The following CLDN16 variants were observed in gnomAD, a reference collection of about 807,000 sequenced individuals.
CLDN16 encodes claudin 16, also known as claudin-16.
A neutral mutation model predicts 24.6 loss-of-function variants in CLDN16; 13 were observed. The ratio of observed to expected loss-of-function variants is 0.53; its 90% CI spans 0.34 to 0.84. The LOEUF is 0.84. CLDN16 is among the 40% of genes least tolerant of loss of function. The pLI is 0.01. For missense variants in CLDN16, 298 were observed against 292.7 expected, an observed-to-expected ratio of 1.02 and a Z score of -0.13; for synonymous variants, 116 against 106.7, an observed-to-expected ratio of 1.09 and a Z score of -0.54.
chr3:190,293,637 T>C, the CLDN16 span, among the ~76,000 whole-genome samples: 1 of 152,164 alleles, frequency 6.6e-6, no homozygotes, highest in Non-Finnish European at 1.5e-5. Flanking sequence ...TAATATCCAA[T>C]TGAGAAGTGA....
At chr3:190,321,886 C>A, upstream of CLDN16, 1 of 893,748 alleles carries the variant, frequency 1.1e-6, no homozygotes, top group South Asian at 1.5e-5. Context: ...CAACTGAAGA[C>A]TGATAACCAT....
chr3:190,298,409 C>T, the CLDN16 span, among the ~76,000 whole-genome samples: 53 of 145,856 alleles, frequency 3.6e-4, no homozygotes, highest in African/African-American at 1.2e-3. Flanking sequence ...TTGCTAGCTA[C>T]GAGTTAAAAA....
intron 1 of CLDN16, among the ~76,000 whole-genome samples, chr3:190,360,248 AG>A (rs2108640998): frequency 6.6e-6 from 1 of 152,136 alleles, no homozygotes; most frequent in East Asian, 1.9e-4. Context: ...GGAGGAAAAT[AG>A]GAACATTTTC....
chr3:190,296,619 G>A, the CLDN16 span, among the ~76,000 whole-genome samples: 57 of 147,668 alleles, frequency 3.9e-4, no homozygotes, highest in Non-Finnish European at 5.5e-4. Context: ...GTGCCATCTC[G>A]GCTCACTGCA....
chr3:190,350,396 ACTT>A lies in CLDN16; in HGVS notation n.122-20496_122-20494del, dbSNP rs1237344644. On this transcript the variant is annotated intron_variant and non_coding_transcript_variant, in intron 1 of 4. Transcript: ENST00000468220. ...ATTATAGATGTTGGATTGTATTGTTACTTATCATATTAAAGATATTAAAAATGA... is the reference window on the plus strand; with the variant it reads ...ATTATAGATGTTGGATTGTATTGTTAATCATATTAAAGATATTAAAAATGA... Among the ~76,000 whole-genome samples the A allele has an allele frequency of 5.8e-4, 87 of 149,894 alleles. 1 individual carries two copies. The highest frequency in any genetic ancestry group is 2.1e-3 in the African/African-American group (84 of 40,926).
chr3:190,379,670 G>C lies in CLDN16; in HGVS notation n.306+5067G>C, dbSNP rs1261583377. On this transcript the variant is annotated intron_variant and non_coding_transcript_variant, in intron 3 of 4. Coordinates refer to the CLDN16 transcript ENST00000468220. ...TGTGCATGTACAAGCACAGGCAAAAGAAAGCATCCCTGCTCCTAAGTTGTT... is the reference window on the plus strand; with the variant it reads ...TGTGCATGTACAAGCACAGGCAAAACAAAGCATCCCTGCTCCTAAGTTGTT... Among the ~76,000 whole-genome samples, 3 of 152,072 alleles carry C rather than the reference G, an allele frequency of 2.0e-5. No homozygotes were observed. In the South Asian group the frequency reaches 6.2e-4, roughly 32 times the overall value.
intron 1 of CLDN16, among the ~76,000 whole-genome samples, chr3:190,328,759 G>T (rs892318930): frequency 6.6e-6 from 1 of 151,868 alleles, no homozygotes; most frequent in Admixed American, 6.6e-5. Flanking sequence ...ACCTGAATAT[G>T]CATTTTGTTT....
At chr3:190,308,215 G>T in the CLDN16 span, 2 of 1,574,098 alleles carry the variant, frequency 1.3e-6, no homozygotes, top group African/African-American at 2.7e-5. Context: ...TAATGTTAAT[G>T]ATAGTATCTC....
At chr3:190,384,384 A>G (rs1240653317), upstream of CLDN16, among the ~76,000 whole-genome samples, 1 of 152,184 alleles carries the variant, frequency 6.6e-6, no homozygotes, top group Non-Finnish European at 1.5e-5. Flanking sequence ...CTGAAAATGC[A>G]AGGCTGCTTC....
rs73053979 is a variant in CLDN16, at chr3:190,410,240, C to T, written c.*204C>T. The T allele has an allele frequency of 4.2e-3, 2,491 of 586,312 alleles. 54 individuals are homozygous for T. The African/African-American group carries it at 0.043, about 10-fold the overall frequency. 36.3% of individuals were successfully genotyped at this position (586,312 alleles called of 1,614,324 possible). Reference sequence around the variant, plus strand: ...CCCGTCATTCTCTCTGCTAACCTTCCACCTTATGCACACACTTTCCCTATA... The same window carrying T: ...CCCGTCATTCTCTCTGCTAACCTTCTACCTTATGCACACACTTTCCCTATA... On this transcript the variant is annotated 3_prime_UTR_variant, in exon 5 of 5. Transcript: ENST00000264734.
chr3:190,294,451 A>G, the CLDN16 span, among the ~76,000 whole-genome samples: 7 of 152,166 alleles, frequency 4.6e-5, no homozygotes, highest in Non-Finnish European at 8.8e-5. Context: ...AAATTTTAAT[A>G]TTGAATGTAA....
At chr3:190,308,566 G>T in the CLDN16 span, 1 of 895,224 alleles carries the variant, frequency 1.1e-6, no homozygotes, top group Non-Finnish European at 1.8e-6. Flanking sequence ...AATATCCCTT[G>T]GGAAGTACTT....
At chr3:190,327,664 A>G (rs1246303405) in intron 1 of CLDN16, among the ~76,000 whole-genome samples, 2 of 152,156 alleles carry the variant, frequency 1.3e-5, no homozygotes, top group Non-Finnish European at 2.9e-5. Flanking sequence ...CCTGAAGCAA[A>G]TATTTATCAG....
chr3:190,349,568 T>C (rs1263102154), intron 1 of CLDN16, among the ~76,000 whole-genome samples: 1 of 152,186 alleles, frequency 6.6e-6, no homozygotes, highest in Non-Finnish European at 1.5e-5. Flanking sequence ...TCCACATCAT[T>C]TTCTGTGTGA....
intron 2 of CLDN16, among the ~76,000 whole-genome samples, chr3:190,373,983 G>C (rs1345263190): frequency 6.6e-6 from 1 of 151,484 alleles, no homozygotes; most frequent in Non-Finnish European, 1.5e-5. Context: ...TTCTCCATTT[G>C]GATGGAAGAA....
intron 3 of CLDN16, among the ~76,000 whole-genome samples, chr3:190,377,695 T>C (rs150117909): frequency 5.1e-4 from 77 of 152,138 alleles, no homozygotes; most frequent in African/African-American, 1.7e-3. Flanking sequence ...TATAGTTCTT[T>C]AAGCCCTTGC....
intron 1 of CLDN16, among the ~76,000 whole-genome samples, chr3:190,358,946 C>T (rs1174975531): frequency 6.6e-6 from 1 of 151,868 alleles, no homozygotes; most frequent in African/African-American, 2.4e-5. Flanking sequence ...TAGTTCAGGA[C>T]ATTACTGAAA....
chr3:190,343,675 A>G (rs1717486816), intron 1 of CLDN16, among the ~76,000 whole-genome samples: 1 of 152,292 alleles, frequency 6.6e-6, no homozygotes, highest in East Asian at 1.9e-4. Flanking sequence ...TCTGAAGGGC[A>G]TTATGCTACG....
the CLDN16 span, among the ~76,000 whole-genome samples, chr3:190,314,657 G>A: frequency 1.3e-5 from 2 of 151,892 alleles, no homozygotes; most frequent in Non-Finnish European, 2.9e-5. Flanking sequence ...GCCCACCTCG[G>A]CCTCCCAAAG....
Sources: gnomAD v4.1 joint callset for allele counts (sites outside exome capture counted in the v4.1 genomes callset) on GRCh38, gnomAD v4.1.1 for gene constraint, MANE v1.5 for transcripts, NCBI Gene and HGNC (gene_info 2026-07-23, HGNC 2026-07-21) for gene names.